Variants in RYR2 observed in about 807,000 individuals in gnomAD.
The protein encoded by RYR2 is ryanodine receptor 2.
In RYR2, 227 loss-of-function variants were observed where a neutral mutation model predicts 601.1. The observed-to-expected ratio is 0.38, with a 90% confidence interval of 0.34 to 0.42. The LOEUF is 0.42. Among genes scored for constraint, RYR2 ranks in the 10% least tolerant of loss-of-function variants. The probability of loss-of-function intolerance (pLI) is 1.00; values close to 1 mark genes in which losing one functional copy is unlikely to be tolerated. For synonymous variants in RYR2, 2,223 were observed against 2,175.1 expected (o/e 1.02, Z -0.61); for missense variants, 4,646 against 6,156.5 (o/e 0.75, Z 8.21).
chr1:237,163,048 G>C (rs10754593), intron 1 of RYR2, among the ~76,000 whole-genome samples: 85,218 of 152,020 alleles, frequency 0.56, 25,361 homozygotes, highest in Non-Finnish European at 0.66. Flanking sequence ...TTATGGACTA[G>C]AGACGGAGAG....
intron 17 of RYR2, among the ~76,000 whole-genome samples, chr1:237,477,220 G>C (rs925019988): frequency 6.6e-6 from 1 of 152,102 alleles, no homozygotes. Context: ...GCGAAACCTC[G>C]TCTTTACTAC....
chr1:237,286,184 C>A (rs1572476774), intron 2 of RYR2, among the ~76,000 whole-genome samples: 1 of 151,988 alleles, frequency 6.6e-6, no homozygotes, highest in African/African-American at 2.4e-5. Flanking sequence ...TTAGCACCAC[C>A]TTTGCAGTAT....
At chr1:237,153,167 T>C (rs1674921237) in intron 1 of RYR2, among the ~76,000 whole-genome samples, 1 of 151,792 alleles carries the variant, frequency 6.6e-6, no homozygotes, top group South Asian at 2.1e-4. Context: ...GGACAAAGAG[T>C]AGATGTATGT....
At chr1:237,534,475 T>A (rs1161919153) in intron 25 of RYR2, among the ~76,000 whole-genome samples, 1 of 152,034 alleles carries the variant, frequency 6.6e-6, no homozygotes, top group Non-Finnish European at 1.5e-5. Flanking sequence ...GCTTGACATA[T>A]ATAGAGTGCT....
intron 32 of RYR2, 142 bp downstream of exon 32, chr1:237,591,995 T>G (rs978510547): frequency 1.5e-6 from 1 of 651,990 alleles, no homozygotes. Context: ...TTTTGGGGAC[T>G]GAAAGTTTGA....
chr1:237,821,035 A>G (rs535670621), intron 101 of RYR2, among the ~76,000 whole-genome samples: 1 of 152,158 alleles, frequency 6.6e-6, no homozygotes, highest in Non-Finnish European at 1.5e-5. Flanking sequence ...TTATTTACTT[A>G]TAGATAAAAC....
chr1:237,164,618 G>A (rs78382720), intron 1 of RYR2, among the ~76,000 whole-genome samples: 2,931 of 152,304 alleles, frequency 0.019, 67 homozygotes, highest in East Asian at 0.083. Flanking sequence ...ACTGGCTGAT[G>A]GCTGGGTTAG....
intron 88 of RYR2, among the ~76,000 whole-genome samples, chr1:237,780,011 C>T: frequency 6.6e-6 from 1 of 152,284 alleles, no homozygotes; most frequent in African/African-American, 2.4e-5. Flanking sequence ...GAGTCCTTAT[C>T]CTTAGATGTT....
At chr1:237,412,895 T>C (rs1395965772) in intron 10 of RYR2, among the ~76,000 whole-genome samples, 1 of 152,190 alleles carries the variant, frequency 6.6e-6, no homozygotes, top group African/African-American at 2.4e-5. Flanking sequence ...TTGGCAAACT[T>C]GTTGGTCTTT....
At chr1:237,756,736 T>A (rs548528323) in intron 81 of RYR2, among the ~76,000 whole-genome samples, 1 of 152,332 alleles carries the variant, frequency 6.6e-6, no homozygotes, top group East Asian at 1.9e-4. Context: ...TTATGCAACC[T>A]GTCACAGCTC....
In RYR2 at chr1:237,709,527, G is replaced by A. The variant is rs753630324; in HGVS notation, c.10190G>A (p.Arg3397His). 4.3e-6 allele frequency: 7 copies of A among 1,611,826 alleles called. No individual in the cohort carries two copies. In the East Asian group the frequency reaches 6.7e-5, roughly 15 times the overall value. Residue 3397 changes from arginine (R) to histidine (H), a missense_variant, in exon 70 of 105, where the codon CGC (arginine) becomes CAC (histidine). Coordinates refer to ENST00000366574, the MANE Select transcript of RYR2 (RefSeq NM_001035.3). ...EPNPEAEELF[R>H]MVAEVFIYWS... ...AACCCAGAAGCAGAGGAGCTCTTCCGCATGGTGGCTGAAGTGTTTATCTAC... is the reference window on the plus strand; with the variant it reads ...AACCCAGAAGCAGAGGAGCTCTTCCACATGGTGGCTGAAGTGTTTATCTAC...
chr1:237,791,988 T>G (rs1265204551), intron 93 of RYR2, 117 bp from the exon 94 acceptor site: 4 of 723,044 alleles, frequency 5.5e-6, no homozygotes, highest in Admixed American at 2.4e-5. Flanking sequence ...AGTCCTTTCA[T>G]TATGCAGTGA....
Position 237,495,094 on chromosome 1 carries a change from G to T in RYR2, c.1962-1417G>T, listed in dbSNP as rs193113556. Among the ~76,000 whole-genome samples the T allele has an allele frequency of 4.7e-4, 71 of 152,122 alleles. 1 individual carries two copies. In the East Asian group the frequency reaches 0.013, roughly 27 times the overall value. ...GTGAGCCACTGCACCCAGCTAATGT[G>T]TTTTTTAAAAATATATAATATACAT... On this transcript the variant is annotated intron_variant, in intron 19 of 104. Coordinates refer to ENST00000366574, the MANE Select transcript of RYR2 (RefSeq NM_001035.3).
At chr1:237,469,256 GACA>G in intron 17 of RYR2, 69 bp downstream of exon 17, 91 of 50,820 alleles carry the variant, frequency 1.8e-3, no homozygotes, top group Admixed American at 2.7e-3. Flanking sequence ...TATCCTTTAA[GACA>G]AAAAAAAAAA....
At chr1:237,092,926 T>C in intron 1 of RYR2, among the ~76,000 whole-genome samples, 1 of 152,180 alleles carries the variant, frequency 6.6e-6, no homozygotes, top group East Asian at 1.9e-4. Context: ...GCCTTCTCCC[T>C]CCACATGCAG....
At chr1:237,829,790 C>T (rs958264888) in intron 102 of RYR2, among the ~76,000 whole-genome samples, 1 of 152,160 alleles carries the variant, frequency 6.6e-6, no homozygotes, top group Admixed American at 6.5e-5. Flanking sequence ...GAAGGATGAG[C>T]ACCAGAGTCA....
Position 237,784,039 on chromosome 1 carries a change from G to T in RYR2, c.12327G>T (p.Met4109Ile), listed in dbSNP as rs1465872180. The T allele has an allele frequency of 1.9e-6, 3 of 1,613,980 alleles. No homozygotes were observed. The highest frequency in any genetic ancestry group is 1.7e-6 in the Non-Finnish European group (2 of 1,179,888). Residue 4109 changes from methionine to isoleucine, a missense_variant, in exon 90 of 105, where the codon ATG becomes ATT. Physicochemically the swap from Met to Ile is conservative, Grantham distance 10 (BLOSUM62 1). Coordinates refer to ENST00000366574, the MANE Select transcript of RYR2 (RefSeq NM_001035.3). This position sits in a 1 kb window ranked among gnomAD's most constrained non-coding sequence, Gnocchi z 7.1. ...AVLLTNLSEH[M>I]PNDTRLQTFL... ...TTCTGACAAACCTCTCTGAGCACATGCCCAACGATACCCGACTTCAGACTT... is the reference window on the plus strand; with the variant it reads ...TTCTGACAAACCTCTCTGAGCACATTCCCAACGATACCCGACTTCAGACTT...
chr1:237,357,564 G>A (rs1699409932), intron 4 of RYR2, among the ~76,000 whole-genome samples: 2 of 151,956 alleles, frequency 1.3e-5, no homozygotes, highest in South Asian at 4.2e-4. Flanking sequence ...CTGTGGATTT[G>A]GTTACTTTTG....
At chr1:237,644,265 C>A (rs1681889932) in intron 48 of RYR2, among the ~76,000 whole-genome samples, 1 of 152,072 alleles carries the variant, frequency 6.6e-6, no homozygotes, top group African/African-American at 2.4e-5. Context: ...TGGAGTCTCA[C>A]TCCGTCACCC....
Sources: gnomAD v4.1 joint callset for allele counts (sites outside exome capture counted in the v4.1 genomes callset) on GRCh38, gnomAD v4.1.1 for gene constraint, Gnocchi (gnomAD v3.1) non-coding constraint, MANE v1.5 for transcripts, NCBI Gene and HGNC (gene_info 2026-07-23, HGNC 2026-07-21) for gene names.